Variants in MAGI2 observed in about 807,000 individuals in gnomAD.
MAGI2 encodes membrane associated guanylate kinase, WW and PDZ domain containing 2.
A neutral mutation model predicts 133.3 loss-of-function variants in MAGI2; 35 were observed. That is an observed-to-expected ratio of 0.26 (90% CI 0.20 to 0.35). The LOEUF is 0.35. MAGI2 is among the 10% of genes least tolerant of loss of function. The pLI is 1.00. For missense variants in MAGI2, 1,636 were observed against 1,863.4 expected, an observed-to-expected ratio of 0.88 and a Z score of 2.25; for synonymous variants, 729 against 710.6, an observed-to-expected ratio of 1.03 and a Z score of -0.41.
intron 1 of MAGI2, among the ~76,000 whole-genome samples, chr7:79,169,663 T>C (rs916434524): frequency 5.1e-5 from 4 of 78,474 alleles, no homozygotes; most frequent in Non-Finnish European, 1.3e-4. Context: ...TTTTATTATT[T>C]CCATGTGTTA....
intron 2 of MAGI2, among the ~76,000 whole-genome samples, chr7:78,696,433 G>A (rs1476232887): frequency 6.6e-6 from 1 of 152,134 alleles, no homozygotes; most frequent in African/African-American, 2.4e-5. Context: ...TCAACAAGGA[G>A]TACATTAATC....
chr7:78,678,051 G>A (rs1026421593), intron 2 of MAGI2, among the ~76,000 whole-genome samples: 1 of 152,128 alleles, frequency 6.6e-6, no homozygotes, highest in East Asian at 1.9e-4. Flanking sequence ...AAGTAGAACT[G>A]ATCTAATGAA....
intron 3 of MAGI2, among the ~76,000 whole-genome samples, chr7:78,543,478 T>C (rs1798576200): frequency 6.6e-6 from 1 of 152,206 alleles, no homozygotes; most frequent in Admixed American, 6.5e-5. Flanking sequence ...ATTGTTAACA[T>C]TGGGACATAA....
intron 3 of MAGI2, among the ~76,000 whole-genome samples, chr7:78,534,997 G>A (rs938979763): frequency 1.3e-5 from 2 of 152,134 alleles, no homozygotes; most frequent in Non-Finnish European, 2.9e-5. Context: ...GCTGGGTGTG[G>A]TGGTGGGCAC....
At chr7:78,020,775 G>A (rs1420742085) in intron 21 of MAGI2, among the ~76,000 whole-genome samples, 1 of 152,030 alleles carries the variant, frequency 6.6e-6, no homozygotes, top group African/African-American at 2.4e-5. Context: ...CCTAGCTGCT[G>A]TCAGTTTCAG....
intron 2 of MAGI2, among the ~76,000 whole-genome samples, chr7:78,991,292 G>T (rs1427095960): frequency 6.8e-6 from 1 of 146,490 alleles, no homozygotes; most frequent in Non-Finnish European, 1.5e-5. Flanking sequence ...ATAGCAGGGT[G>T]AGAATGGACT....
At chr7:78,235,098 C>A (rs951724566) in intron 10 of MAGI2, among the ~76,000 whole-genome samples, 1 of 152,014 alleles carries the variant, frequency 6.6e-6, no homozygotes, top group African/African-American at 2.4e-5. Context: ...ATGAAAGATT[C>A]CCTCCCTCCA....
At chr7:78,551,890 A>C (rs1420409582) in intron 3 of MAGI2, among the ~76,000 whole-genome samples, 1 of 152,136 alleles carries the variant, frequency 6.6e-6, no homozygotes, top group African/African-American at 2.4e-5. Flanking sequence ...AACTACAGGA[A>C]TGCGCCACCA....
intron 16 of MAGI2, among the ~76,000 whole-genome samples, chr7:78,152,096 T>A (rs1823935336): frequency 6.6e-6 from 1 of 151,760 alleles, no homozygotes; most frequent in South Asian, 2.1e-4. Context: ...ACAGACACAA[T>A]AAAAGAAGGG....
At chr7:78,728,369 G>A (rs11762589) in intron 2 of MAGI2, among the ~76,000 whole-genome samples, 7 of 151,754 alleles carry the variant, frequency 4.6e-5, no homozygotes, top group Admixed American at 2.0e-4. Context: ...TGCTATACCC[G>A]CATGAATTAG....
At chr7:78,164,834 A>C (rs1353115486) in intron 15 of MAGI2, among the ~76,000 whole-genome samples, 1 of 152,260 alleles carries the variant, frequency 6.6e-6, no homozygotes, top group Non-Finnish European at 1.5e-5. Flanking sequence ...GTGTGCATCC[A>C]AAATAATGTG....
At chr7:79,288,441 A>G (rs901780817) in intron 1 of MAGI2, among the ~76,000 whole-genome samples, 2 of 152,182 alleles carry the variant, frequency 1.3e-5, no homozygotes, top group African/African-American at 4.8e-5. Flanking sequence ...TTTCCCTACT[A>G]TTACACTGTA....
intron 3 of MAGI2, among the ~76,000 whole-genome samples, chr7:78,524,302 T>C (rs1172748555): frequency 2.0e-5 from 3 of 152,050 alleles, no homozygotes; most frequent in African/African-American, 7.3e-5. Context: ...AAATGACAAA[T>C]CTCCACTCCA....
chr7:78,703,933 T>C (rs1191837623), intron 2 of MAGI2, among the ~76,000 whole-genome samples: 1 of 151,512 alleles, frequency 6.6e-6, no homozygotes, highest in Non-Finnish European at 1.5e-5. Flanking sequence ...CTCGTTAGAT[T>C]AAAGGCTTAA....
intron 1 of MAGI2, among the ~76,000 whole-genome samples, chr7:79,264,804 A>G (rs1163861004): frequency 3.3e-5 from 5 of 151,758 alleles, no homozygotes; most frequent in Non-Finnish European, 7.4e-5. Flanking sequence ...GTGGAAGATG[A>G]AGGGGAGCCG....
At chr7:78,464,618 T>C (rs970620607) in intron 6 of MAGI2, among the ~76,000 whole-genome samples, 1 of 152,124 alleles carries the variant, frequency 6.6e-6, no homozygotes, top group East Asian at 1.9e-4. Context: ...ACAATATTAA[T>C]CTACAGGCCA....
intron 2 of MAGI2, among the ~76,000 whole-genome samples, chr7:78,926,923 C>A (rs1214989475): frequency 1.3e-5 from 2 of 151,650 alleles, no homozygotes; most frequent in African/African-American, 2.4e-5. Flanking sequence ...GTGAGAAAAA[C>A]CTACAAGCTA....
chr7:78,917,244 G>A (rs559902437), intron 2 of MAGI2, among the ~76,000 whole-genome samples: 3 of 152,132 alleles, frequency 2.0e-5, no homozygotes, highest in South Asian at 2.1e-4. Flanking sequence ...AAAGGAAGTA[G>A]AGTAAGAGGA....
intron 6 of MAGI2, among the ~76,000 whole-genome samples, chr7:78,473,621 T>C (rs1197101095): frequency 6.6e-6 from 1 of 152,054 alleles, no homozygotes; most frequent in Non-Finnish European, 1.5e-5. Context: ...CCTTCCTAAT[T>C]GATCCAGGTG....
Sources: gnomAD v4.1 joint callset for allele counts (sites outside exome capture counted in the v4.1 genomes callset) on GRCh38, gnomAD v4.1.1 for gene constraint, MANE v1.5 for transcripts, NCBI Gene and HGNC (gene_info 2026-07-23, HGNC 2026-07-21) for gene names.